TVP23A: variants seen among roughly 807,000 people sequenced by gnomAD.
TVP23A encodes the protein trans-golgi network vesicle protein 23 homolog A, also known as Golgi apparatus membrane protein TVP23 homolog A.
TVP23A carries 21 observed loss-of-function variants against 31.7 expected under a neutral mutation model. That is an observed-to-expected ratio of 0.66 (90% CI 0.47 to 0.95). The LOEUF (loss-of-function observed/expected upper bound fraction) is 0.95, where lower values mean the gene tolerates loss of function less well. Ranked by LOEUF, TVP23A falls within the 40% of genes least tolerant of loss-of-function variation. TVP23A has a pLI of 0.00. For missense variants in TVP23A, 279 were observed against 255.6 expected, an observed-to-expected ratio of 1.09 and a Z score of -0.62; for synonymous variants, 104 against 96.0, an observed-to-expected ratio of 1.08 and a Z score of -0.49.
Position 10,768,510 on chromosome 16 carries a change from G to A in TVP23A, c.*592C>T, listed in dbSNP as rs1037205893. ...TAGTCCCAGCTACTCAGGAGGCTGA[G>A]GCAGGAGAATCGCTTGAACCTGGGA... On this transcript the variant is annotated 3_prime_UTR_variant, in exon 8 of 8. Coordinates refer to ENST00000299866, the MANE Select transcript of TVP23A (RefSeq NM_001079512.4). This position sits in a 1 kb window ranked among gnomAD's most constrained non-coding sequence, Gnocchi z 4.3. The A allele has an allele frequency of 6.3e-6, 1 of 157,774 alleles. No homozygotes were observed. Among genetic ancestry groups the A allele is most frequent in the Non-Finnish European group, 1.4e-5 (1 of 71,868 alleles). The allele number at this position is 157,774 out of a possible 1,614,324, so 9.8% of individuals were successfully genotyped here.
At chr16:10,809,711 TC>T (rs1343292768) in intron 2 of TVP23A, among the ~76,000 whole-genome samples, 2 of 152,150 alleles carry the variant, frequency 1.3e-5, no homozygotes, top group Admixed American at 1.3e-4. Context: ...GGGGGTGCAG[TC>T]ACTTGGCTAG....
At chr16:10,791,300 TG>T (rs1372436251) in intron 2 of TVP23A, among the ~76,000 whole-genome samples, 3 of 152,232 alleles carry the variant, frequency 2.0e-5, no homozygotes, top group Non-Finnish European at 4.4e-5. Context: ...TTTCTTTCTT[TG>T]GCCCCGACAC....
rs1194782719 is a variant in TVP23A, at chr16:10,818,092, T to C, written c.89+11A>G. Reference sequence around the variant, plus strand: ...TGGGGAACGCCTGACCCAAGCTCCATCCCAACACACCTGATCTTGGCTTTC... The same window carrying C: ...TGGGGAACGCCTGACCCAAGCTCCACCCCAACACACCTGATCTTGGCTTTC... On this transcript the variant is annotated intron_variant, in intron 2 of 7. Coordinates refer to ENST00000299866, the MANE Select transcript of TVP23A (RefSeq NM_001079512.4). This position sits in a 1 kb window ranked among gnomAD's most constrained non-coding sequence, Gnocchi z 4.7. 1.9e-6 allele frequency: 3 copies of C among 1,604,152 alleles called. No homozygotes were observed. Among genetic ancestry groups the C allele is most frequent in the Non-Finnish European group, 2.6e-6 (3 of 1,175,078 alleles).
intron 2 of TVP23A, among the ~76,000 whole-genome samples, chr16:10,791,200 G>GA (rs1458230783): frequency 6.6e-6 from 1 of 152,040 alleles, no homozygotes; most frequent in Non-Finnish European, 1.5e-5. Context: ...GAAGAAAGAG[G>GA]AAAAAACCAT....
rs541346664 is a variant in TVP23A at position 10,786,682 on chromosome 16, G to A, written c.90-11586C>T. Among the ~76,000 whole-genome samples, 194 of 150,364 alleles carry A rather than the reference G, an allele frequency of 1.3e-3. 4 individuals carry two copies. In the South Asian group the frequency reaches 0.04, roughly 31 times the overall value. On this transcript the variant is annotated intron_variant, in intron 2 of 7. Transcript: ENST00000299866. ...CCTGAGTGTGCGGGGATGGGAGGGG[G>A]TGAAGATGAAACGGGCCACATCCTG...
intron 2 of TVP23A, among the ~76,000 whole-genome samples, chr16:10,792,419 A>G (rs1390406446): frequency 1.3e-5 from 2 of 152,080 alleles, no homozygotes; most frequent in African/African-American, 4.8e-5. Context: ...TTCTCCATCC[A>G]CTAGTTCCAC....
intron 2 of TVP23A, among the ~76,000 whole-genome samples, chr16:10,783,436 G>A (rs891402222): frequency 6.6e-6 from 1 of 152,168 alleles, no homozygotes; most frequent in Non-Finnish European, 1.5e-5. Context: ...AGCATTTTGG[G>A]AGGCTGAGGT....
At position 10,777,874 on chromosome 16, in the gene TVP23A, G is replaced by C. The variant is rs1289271377; in HGVS notation, c.90-2778C>G. Among the ~76,000 whole-genome samples, 1 of 152,148 alleles carries C rather than the reference G, an allele frequency of 6.6e-6. No homozygotes were observed. The highest frequency in any genetic ancestry group is 6.6e-5 in the Admixed American group (1 of 15,264). On this transcript the variant is annotated intron_variant, in intron 2 of 7. Coordinates refer to ENST00000299866, the MANE Select transcript of TVP23A (RefSeq NM_001079512.4). The surrounding 1 kb of genome is among the most constrained non-coding windows in gnomAD (Gnocchi z 4.5). ...AAAAATACAAAAATTAGCTGAGCGTGGTGGTGGGCGCCTGTAGTCCCAGCT... is the reference window on the plus strand; with the variant it reads ...AAAAATACAAAAATTAGCTGAGCGTCGTGGTGGGCGCCTGTAGTCCCAGCT...
Position 10,768,426 on chromosome 16 carries a change from G to C in TVP23A, c.*676C>G. The C allele has an allele frequency of 6.1e-6, 1 of 162,642 alleles. No individual in the cohort carries two copies. Among genetic ancestry groups the C allele is most frequent in the Middle Eastern group, 3.1e-3 (1 of 320 alleles). The allele number at this position is 162,642 out of a possible 1,614,324, so 10.1% of individuals were successfully genotyped here. A position where few individuals can be genotyped will look rare whatever the true frequency, so the allele number is the denominator to read the frequency against. On this transcript the variant is annotated 3_prime_UTR_variant, in exon 8 of 8. Transcript: ENST00000299866. This position sits in a 1 kb window ranked among gnomAD's most constrained non-coding sequence, Gnocchi z 4.3. ...GTTCAAGACCAGCCTGGCTAACATGGAGAAACACTGTCTCTACTAAAAATA... is the reference window on the plus strand; with the variant it reads ...GTTCAAGACCAGCCTGGCTAACATGCAGAAACACTGTCTCTACTAAAAATA...
intron 2 of TVP23A, among the ~76,000 whole-genome samples, chr16:10,796,377 G>A (rs747552931): frequency 1.6e-4 from 25 of 152,078 alleles, no homozygotes; most frequent in Non-Finnish European, 3.5e-4. Context: ...GAAAGAGAGA[G>A]CGAGAGAGAG....
chr16:10,792,262 C>G (rs1371965086), intron 2 of TVP23A, among the ~76,000 whole-genome samples: 1 of 152,196 alleles, frequency 6.6e-6, no homozygotes, highest in East Asian at 1.9e-4. Context: ...TGGCACGAGA[C>G]AATGAACCCC....
chr16:10,789,558 G>A (rs116888661), intron 2 of TVP23A, among the ~76,000 whole-genome samples: 3 of 151,228 alleles, frequency 2.0e-5, no homozygotes, highest in Non-Finnish European at 2.9e-5. Context: ...GCTGGGTGTG[G>A]TGATTCACAC....
Position 10,770,318 on chromosome 16 carries a change from T to A in TVP23A, c.596A>T (p.Asp199Val). 3 of 1,551,396 alleles carry A rather than the reference T, an allele frequency of 1.9e-6. No homozygotes were observed. Among genetic ancestry groups the A allele is most frequent in the Non-Finnish European group, 2.6e-6 (3 of 1,147,026 alleles). Residue 199 changes from aspartate to valine, a missense_variant, in exon 7 of 8, where the codon GAC becomes GTC. Physicochemically the swap from Asp to Val is radical, Grantham distance 152. Coordinates refer to ENST00000299866, the MANE Select transcript of TVP23A (RefSeq NM_001079512.4). ...QTVFQTACPG[D>V]FQKPGLEGLE... ...CCCCTCGAGGCCAGGCTTCTGAAAG[T>A]CACCTGGGCAGGCCTGCAAGGGGAA...
At chr16:10,796,426 T>TTTATA (rs1270052384) in intron 2 of TVP23A, among the ~76,000 whole-genome samples, 1 of 150,640 alleles carries the variant, frequency 6.6e-6, no homozygotes, top group East Asian at 1.9e-4. Flanking sequence ...GGGATTTTAT[T>TTTATA]TTATTTTATT....
chr16:10,790,071 C>T (rs1238331566), intron 2 of TVP23A, among the ~76,000 whole-genome samples: 1 of 151,896 alleles, frequency 6.6e-6, no homozygotes, highest in African/African-American at 2.4e-5. Flanking sequence ...TAATGGCAGC[C>T]CTTAGAGACA....
Position 10,775,429 on chromosome 16 carries a change from G to C in TVP23A, c.90-333C>G, listed in dbSNP as rs1447163887. ...GCAGTCACTGCCTTCCCGCCTAGCAGAGATGACGGCCAGTTCCCTAAAGGT... is the reference window on the plus strand; with the variant it reads ...GCAGTCACTGCCTTCCCGCCTAGCACAGATGACGGCCAGTTCCCTAAAGGT... On this transcript the variant is annotated intron_variant, in intron 2 of 7. Transcript: ENST00000299866. 14 of 1,104,564 alleles carry C rather than the reference G, an allele frequency of 1.3e-5. No individual in the cohort carries two copies. In the South Asian group the frequency reaches 1.9e-4, roughly 15 times the overall value. The allele number at this position is 1,104,564 out of a possible 1,614,324, so 68.4% of individuals were successfully genotyped here.
chr16:10,782,836 C>G (rs942425220), intron 2 of TVP23A, among the ~76,000 whole-genome samples: 2 of 152,128 alleles, frequency 1.3e-5, no homozygotes, highest in African/African-American at 4.8e-5. Flanking sequence ...CACAGTCACA[C>G]CCACTCATTC....
chr16:10,771,574 G>A (rs781667779), intron 6 of TVP23A, 96 bp downstream of exon 6: 49 of 1,459,044 alleles, frequency 3.4e-5, no homozygotes, highest in South Asian at 2.0e-4. Flanking sequence ...GCAGCCTGGC[G>A]GATATGTTAC....
chr16:10,798,413 G>A (rs754491533), intron 2 of TVP23A, among the ~76,000 whole-genome samples: 3 of 152,064 alleles, frequency 2.0e-5, no homozygotes, highest in Non-Finnish European at 4.4e-5. Context: ...CTAACATCAA[G>A]GCCTGGAGCA....
Sources: gnomAD v4.1 joint callset for allele counts (sites outside exome capture counted in the v4.1 genomes callset) on GRCh38, gnomAD v4.1.1 for gene constraint, Gnocchi (gnomAD v3.1) non-coding constraint, MANE v1.5 for transcripts, NCBI Gene and HGNC (gene_info 2026-07-23, HGNC 2026-07-21) for gene names.